Variants in NELL1 observed in about 807,000 individuals in gnomAD.
NELL1 encodes neural EGFL like 1, also known as protein kinase C-binding protein NELL1.
Under a neutral mutation model 107.4 loss-of-function variants are expected in NELL1, and 76 were observed. That is an observed-to-expected ratio of 0.71 (90% confidence interval 0.59 to 0.86). The LOEUF is 0.86. Ranked by LOEUF, NELL1 falls within the 40% of genes least tolerant of loss-of-function variation. NELL1 has a pLI of 0.00. For missense variants in NELL1, 1,024 were observed against 1,005.5 expected, an observed-to-expected ratio of 1.02 and a Z score of -0.25; for synonymous variants, 353 against 341.2, an observed-to-expected ratio of 1.03 and a Z score of -0.38.
Position 20,891,095 on chromosome 11 carries a change from T to A in NELL1, c.603+5555T>A, listed in dbSNP as rs184539352. 3.7e-3 allele frequency among the ~76,000 whole-genome samples: 563 copies of A among 152,196 alleles called. 3 individuals carry two copies. Among genetic ancestry groups the A allele is most frequent in the African/African-American group, 0.013 (542 of 41,526 alleles). On this transcript the variant is annotated intron_variant, in intron 5 of 19. Transcript: ENST00000357134. ...AGGTTGAAATGAAGGAAAAAAACTG[T>A]TAAGGGCAGCCAGAGAGAAAGACCA...
chr11:20,709,862 G>A (rs1855068199), intron 2 of NELL1, among the ~76,000 whole-genome samples: 2 of 152,050 alleles, frequency 1.3e-5, no homozygotes, highest in Admixed American at 6.5e-5. Context: ...GTCATTGTTG[G>A]TGTATGTCAG....
At chr11:21,381,584 G>A (rs1419488726) in intron 15 of NELL1, among the ~76,000 whole-genome samples, 2 of 151,894 alleles carry the variant, frequency 1.3e-5, no homozygotes, top group Non-Finnish European at 1.5e-5. Context: ...TTGAGACTCA[G>A]AAATAATAGG....
At chr11:21,149,272 A>G (rs1344748806) in intron 13 of NELL1, among the ~76,000 whole-genome samples, 1 of 152,202 alleles carries the variant, frequency 6.6e-6, no homozygotes, top group East Asian at 1.9e-4. Context: ...ATTTCCTAAA[A>G]TCTGAAGGAA....
In NELL1 at chr11:21,337,785, T is replaced by TTTCTTTCC. The variant is rs1850453148; in HGVS notation, c.1550-33061_1550-33060insCTTCTTTC. 1.3e-4 allele frequency among the ~76,000 whole-genome samples: 18 copies of TTTCTTTCC among 140,302 alleles called. 1 individual carries two copies. In the South Asian group the frequency reaches 3.8e-3, roughly 29 times the overall value. 92.0% of individuals were successfully genotyped at this position (140,302 alleles called of 152,430 possible). A position where few individuals can be genotyped will look rare whatever the true frequency, so the allele number is the denominator to read the frequency against. ...CTTTCTTTCTTTCTTTCTTTCTTTC[T>TTTCTTTCC]TTCTTTCTTTCCTTCTTTCTTTCTT... On this transcript the variant is annotated intron_variant, in intron 14 of 19. Coordinates refer to ENST00000357134, the MANE Select transcript of NELL1 (RefSeq NM_006157.5).
At chr11:20,952,541 G>C (rs1445431120) in intron 11 of NELL1, among the ~76,000 whole-genome samples, 1 of 152,194 alleles carries the variant, frequency 6.6e-6, no homozygotes, top group Non-Finnish European at 1.5e-5. Context: ...GGCACTTAAT[G>C]AGAGTGTAAA....
intron 14 of NELL1, among the ~76,000 whole-genome samples, chr11:21,326,219 T>C (rs906109952): frequency 6.6e-6 from 1 of 151,532 alleles, no homozygotes; most frequent in African/African-American, 2.4e-5. Flanking sequence ...TTTTTTTGCC[T>C]TCTTTTTGGA....
intron 11 of NELL1, 99 bp from the exon 12 acceptor site, chr11:20,960,333 C>A: frequency 8.2e-7 from 1 of 1,221,728 alleles, no homozygotes; most frequent in Non-Finnish European, 1.2e-6. Context: ...GTGTATTTTC[C>A]TGCATAGTGA....
chr11:21,403,113 G>A (rs546810205), intron 15 of NELL1, among the ~76,000 whole-genome samples: 1 of 151,866 alleles, frequency 6.6e-6, no homozygotes, highest in African/African-American at 2.4e-5. Flanking sequence ...TGAATGTACA[G>A]GAAAAGCCAC....
At chr11:20,778,220 C>A (rs1045813307) in intron 2 of NELL1, among the ~76,000 whole-genome samples, 4 of 152,124 alleles carry the variant, frequency 2.6e-5, no homozygotes, top group Non-Finnish European at 5.9e-5. Context: ...TTGTGCACTG[C>A]CCTATTCTGC....
At chr11:21,495,179 C>A (rs1398545964) in intron 15 of NELL1, among the ~76,000 whole-genome samples, 1 of 152,136 alleles carries the variant, frequency 6.6e-6, no homozygotes, top group Admixed American at 6.6e-5. Flanking sequence ...TTTCCCCTAA[C>A]CACAAGCAAC....
At chr11:20,964,184 T>A (rs1171178770) in intron 12 of NELL1, among the ~76,000 whole-genome samples, 1 of 152,162 alleles carries the variant, frequency 6.6e-6, no homozygotes, top group African/African-American at 2.4e-5. Flanking sequence ...CCTTTTTTAA[T>A]GACATTTTCA....
intron 14 of NELL1, among the ~76,000 whole-genome samples, chr11:21,368,439 T>A (rs1245337668): frequency 1.3e-5 from 2 of 152,050 alleles, no homozygotes; most frequent in African/African-American, 4.8e-5. Flanking sequence ...CCTGCCTTTG[T>A]GAACACCGGA....
intron 14 of NELL1, among the ~76,000 whole-genome samples, chr11:21,287,094 A>G (rs1390142757): frequency 6.6e-6 from 1 of 152,228 alleles, no homozygotes; most frequent in Non-Finnish European, 1.5e-5. Context: ...TCTGAATAGA[A>G]CTGAGTGAAT....
chr11:21,091,456 T>A (rs1854518828), intron 12 of NELL1, among the ~76,000 whole-genome samples: 2 of 152,186 alleles, frequency 1.3e-5, no homozygotes, highest in Admixed American at 1.3e-4. Flanking sequence ...ATTTTCAACT[T>A]TAGAGAGCAG....
chr11:20,887,832 C>T (rs1379721005), intron 5 of NELL1, among the ~76,000 whole-genome samples: 1 of 152,062 alleles, frequency 6.6e-6, no homozygotes, highest in African/African-American at 2.4e-5. Flanking sequence ...TTGATGTAGA[C>T]CTCAAAGGAT....
chr11:20,846,600 G>A (rs1051135989), intron 3 of NELL1, among the ~76,000 whole-genome samples: 7 of 152,194 alleles, frequency 4.6e-5, no homozygotes, highest in African/African-American at 1.7e-4. Flanking sequence ...CAAACTGGCA[G>A]AAAGTGCATA....
intron 4 of NELL1, among the ~76,000 whole-genome samples, chr11:20,868,975 T>G (rs1849147460): frequency 6.6e-6 from 1 of 152,134 alleles, no homozygotes; most frequent in Non-Finnish European, 1.5e-5. Context: ...ACAGCTGAGT[T>G]AAGTGTTGGT....
At chr11:21,433,887 C>T (rs1246747619) in intron 15 of NELL1, among the ~76,000 whole-genome samples, 1 of 152,070 alleles carries the variant, frequency 6.6e-6, no homozygotes, top group Non-Finnish European at 1.5e-5. Flanking sequence ...GTTGATCAGG[C>T]TGGTCTCGAA....
At chr11:21,077,523 A>G (rs1163723272) in intron 12 of NELL1, among the ~76,000 whole-genome samples, 7 of 152,102 alleles carry the variant, frequency 4.6e-5, no homozygotes, top group Admixed American at 3.9e-4. Context: ...CAGGTGGATC[A>G]CTTGAGGTCA....
Sources: gnomAD v4.1 joint callset for allele counts (sites outside exome capture counted in the v4.1 genomes callset) on GRCh38, gnomAD v4.1.1 for gene constraint, MANE v1.5 for transcripts, NCBI Gene and HGNC (gene_info 2026-07-23, HGNC 2026-07-21) for gene names.